The following AMZ1 variants were observed in gnomAD, a reference collection of about 807,000 sequenced individuals.
AMZ1 encodes the protein archaelysin family metallopeptidase 1, also known as archaemetzincin-1.
A neutral mutation model predicts 29.9 loss-of-function variants in AMZ1; 39 were observed. The observed-to-expected ratio is 1.30, with a 90% CI of 1.01 to 1.70. The LOEUF (loss-of-function observed/expected upper bound fraction) is 1.70, where lower values mean the gene tolerates loss of function less well. AMZ1 is among the 40% of genes most tolerant of loss of function. The pLI is 0.00. For synonymous variants in AMZ1, 458 were observed against 304.0 expected (o/e 1.51, Z -5.27); for missense variants, 1,041 against 680.6 (o/e 1.53, Z -5.89).
Position 2,700,410 on chromosome 7 carries a change from C to T in AMZ1, c.-42C>T. 3.2e-6 allele frequency: 5 copies of T among 1,573,254 alleles called. No homozygotes were observed. Among genetic ancestry groups the T allele is most frequent in the East Asian group, 2.2e-5 (1 of 44,554 alleles). On this transcript the variant is annotated 5_prime_UTR_variant, in exon 2 of 7. Coordinates refer to ENST00000683327, the MANE Select transcript of AMZ1 (RefSeq NM_001384743.1). ...CGTCCCCCGGGTGGCCCATGGACAG[C>T]AGCAGGGGCTCCCAGGAGTGGCCAG...
chr7:2,720,155 A>T (rs1360600012), downstream of AMZ1, among the ~76,000 whole-genome samples: 1 of 151,976 alleles, frequency 6.6e-6, no homozygotes, highest in Non-Finnish European at 1.5e-5. Context: ...CTTTCCGTGC[A>T]AAGCGCGGCT....
intron 2 of AMZ1, chr7:2,702,455 G>C (rs770551873): frequency 8.2e-6 from 4 of 489,156 alleles, no homozygotes; most frequent in African/African-American, 6.0e-5. Context: ...GTGAGTCCCT[G>C]CCTGCTCTCT....
chr7:2,756,922 A>G (rs1791325136), intron 4 of AMZ1, among the ~76,000 whole-genome samples: 2 of 151,772 alleles, frequency 1.3e-5, no homozygotes, highest in Non-Finnish European at 2.9e-5. Context: ...AAAAATTTAA[A>G]AAGTAGCCGG....
At chr7:2,702,589 C>G (rs1218344028) in intron 2 of AMZ1, 133 bp from the exon 3 acceptor site, 85 of 1,023,518 alleles carry the variant, frequency 8.3e-5, no homozygotes, top group Non-Finnish European at 8.4e-5. Flanking sequence ...AAGCCTGACG[C>G]TCTGCTTGCT....
chr7:2,681,317 G>C (rs377244351), intron 1 of AMZ1, among the ~76,000 whole-genome samples: 1 of 152,066 alleles, frequency 6.6e-6, no homozygotes, highest in Non-Finnish European at 1.5e-5. Flanking sequence ...TGACCTCCCC[G>C]GCCTCTGGTG....
At chr7:2,708,950 C>G in intron 4 of AMZ1, 125 bp from the exon 5 acceptor site, 1 of 1,325,786 alleles carries the variant, frequency 7.5e-7, no homozygotes, top group Non-Finnish European at 1.0e-6. Flanking sequence ...AGGACAGGGC[C>G]TCCCAGGACT....
At chr7:2,682,549 G>A (rs530082053) in intron 1 of AMZ1, among the ~76,000 whole-genome samples, 8 of 152,312 alleles carry the variant, frequency 5.3e-5, no homozygotes, top group Admixed American at 5.2e-4. Context: ...GACACCCCAA[G>A]TCCCGCAGGC....
chr7:2,712,364 C>T lies in AMZ1; in HGVS notation c.983C>T (p.Thr328Met), dbSNP rs149900602. 438 of 1,601,870 alleles carry T rather than the reference C, an allele frequency of 2.7e-4. No homozygotes were observed. Among genetic ancestry groups the T allele is most frequent in the Non-Finnish European group, 3.3e-4 (389 of 1,174,066 alleles). ...LYTWTQAVVG[T>M]WPSQEAGEPS... ...ACCTGGACTCAGGCGGTGGTGGGGA[C>T]GTGGCCCAGCCAGGAGGCGGGGGAG... Residue 328 changes from threonine (T) to methionine (M), a missense_variant, in exon 7 of 7, where the codon ACG becomes ATG. By Grantham distance (81) the Thr-to-Met change is moderately conservative. Transcript: ENST00000683327.
At chr7:2,730,467 G>GGC (rs1241287648) in intron 4 of AMZ1, 1 of 152,478 alleles carries the variant, frequency 6.6e-6, no homozygotes, top group Admixed American at 6.5e-5. Context: ...CTGCTGTAGG[G>GGC]GCGTAAGGTG....
At chr7:2,721,416 TTC>T (rs1490668486), downstream of AMZ1, among the ~76,000 whole-genome samples, 1 of 152,228 alleles carries the variant, frequency 6.6e-6, no homozygotes, top group Admixed American at 6.5e-5. Flanking sequence ...ACACACATTC[TTC>T]TGTTTGAAAG....
At chr7:2,738,254 A>C (rs547435929) in intron 4 of AMZ1, among the ~76,000 whole-genome samples, 1 of 151,878 alleles carries the variant, frequency 6.6e-6, no homozygotes, top group South Asian at 2.1e-4. Context: ...GTCTGTACTA[A>C]AAATACAAAA....
rs533008689 is a variant in AMZ1, at chr7:2,732,339, A to C, written n.550+22523A>C. Among the ~76,000 whole-genome samples, 3 of 152,290 alleles carry C rather than the reference A, an allele frequency of 2.0e-5. No homozygotes were observed. In the East Asian group the frequency reaches 5.8e-4, roughly 29 times the overall value. ...AGTGGGAGGAATACCTTGAGCCCAG[A>C]AGTTCAAGAACAGCCTGGGCAACAT... On this transcript the variant is annotated intron_variant and non_coding_transcript_variant, in intron 4 of 4. Coordinates refer to the AMZ1 transcript ENST00000489665.
intron 4 of AMZ1, among the ~76,000 whole-genome samples, chr7:2,752,664 A>T (rs1210534886): frequency 6.6e-6 from 1 of 152,214 alleles, no homozygotes; most frequent in Non-Finnish European, 1.5e-5. Context: ...CCAATAACCC[A>T]ATGGAATCTA....
upstream of AMZ1, among the ~76,000 whole-genome samples, chr7:2,764,124 G>A (rs1043382929): frequency 3.3e-5 from 5 of 152,202 alleles, no homozygotes; most frequent in African/African-American, 1.2e-4. Flanking sequence ...AGGTTAGGGG[G>A]CCGTGGTGCA....
chr7:2,722,063 G>C (rs1449358244), downstream of AMZ1, among the ~76,000 whole-genome samples: 1 of 152,162 alleles, frequency 6.6e-6, no homozygotes, highest in African/African-American at 2.4e-5. Context: ...GGTCCTGAAA[G>C]GCACAGGCGC....
rs549737165 is a variant in AMZ1 at position 2,691,512 on chromosome 7, G to C, written c.-219+3216G>C. Among the ~76,000 whole-genome samples, 37 of 148,828 alleles carry C rather than the reference G, an allele frequency of 2.5e-4. No homozygotes were observed. In the South Asian group the frequency reaches 7.8e-3, roughly 31 times the overall value. On this transcript the variant is annotated intron_variant, in intron 1 of 6. Transcript: ENST00000683327. ...AATCCCAGCACTTCGGGAGGCCGAG[G>C]CGGGTGGATCACAAGGTCAGGAGTC...
chr7:2,709,043 C>T (rs1453829260), intron 4 of AMZ1, 32 bp from the exon 5 acceptor site: 2 of 1,537,686 alleles, frequency 1.3e-6, no homozygotes, highest in South Asian at 2.5e-5. Flanking sequence ...AGGCTGACCC[C>T]TGAGAGTGCC....
chr7:2,695,314 G>T (rs1340255350), intron 1 of AMZ1, among the ~76,000 whole-genome samples: 3 of 152,158 alleles, frequency 2.0e-5, no homozygotes, highest in Non-Finnish European at 4.4e-5. Flanking sequence ...GCTGGAGTCT[G>T]GTGGTGGGCA....
rs760057391 is a variant in AMZ1 at position 2,709,247 on chromosome 7, G to A, written c.771+3G>A. 4 of 1,492,454 alleles carry A rather than the reference G, an allele frequency of 2.7e-6. No individual in the cohort carries two copies. Among genetic ancestry groups the A allele is most frequent in the Admixed American group, 2.5e-5 (1 of 40,472 alleles). The allele number at this position is 1,492,454 out of a possible 1,614,324, so 92.5% of individuals were successfully genotyped here. A position where few individuals can be genotyped will look rare whatever the true frequency, so the allele number is the denominator to read the frequency against. On this transcript the variant is annotated splice_donor_region_variant and intron_variant, in intron 5 of 6. Transcript: ENST00000683327. ...TGGGGATGGTTCAGTGCTGCAAGGT[G>A]GGTGGGGGCTCTGGGGCTGGTAAGA... is the stretch of plus-strand genomic sequence containing the variant.
Sources: allele counts gnomAD v4.1 joint callset (sites outside exome capture counted in the v4.1 genomes callset), GRCh38; gene constraint gnomAD v4.1.1; transcripts MANE v1.5; gene names NCBI Gene and HGNC (gene_info 2026-07-23, HGNC 2026-07-21).